ATP1A4: variants seen among roughly 807,000 people sequenced by gnomAD.
The protein encoded by ATP1A4 is ATPase Na+/K+ transporting subunit alpha 4, also known as sodium/potassium-transporting ATPase subunit alpha-4.
In ATP1A4, 90 loss-of-function variants were observed where a neutral mutation model predicts 114.3. The observed-to-expected ratio is 0.79, with a 90% confidence interval of 0.66 to 0.94. The LOEUF is 0.94. Ranked by LOEUF, ATP1A4 falls within the 40% of genes least tolerant of loss-of-function variation. The pLI is 0.00. For synonymous variants in ATP1A4, 511 were observed against 494.1 expected, an observed-to-expected ratio of 1.03 and a Z score of -0.45; for missense variants, 1,222 against 1,313.6, an observed-to-expected ratio of 0.93 and a Z score of 1.08.
intron 18 of ATP1A4, among the ~76,000 whole-genome samples, chr1:160,178,371 A>G (rs1193948207): frequency 6.7e-6 from 1 of 149,618 alleles, no homozygotes; most frequent in Non-Finnish European, 1.5e-5. Flanking sequence ...ATAAATAAAT[A>G]AATAAATATA....
At chr1:160,180,871 C>T (rs921536179) in intron 18 of ATP1A4, among the ~76,000 whole-genome samples, 2 of 151,988 alleles carry the variant, frequency 1.3e-5, no homozygotes, top group Admixed American at 6.6e-5. Flanking sequence ...CCCGCCACCA[C>T]GCCCGGCTAA....
At chr1:160,183,493 T>A (rs1341434222) in intron 20 of ATP1A4, 1 of 152,206 alleles carries the variant, frequency 6.6e-6, no homozygotes, top group Non-Finnish European at 1.5e-5. Flanking sequence ...TCCCCTGAGC[T>A]CCTTGAGAGC....
At position 160,181,727 on chromosome 1, in the gene ATP1A4, CCT is replaced by C; in HGVS notation, c.2781_2782del (p.Phe929CysfsTer79). On this transcript the variant is annotated frameshift_variant, in exon 19 of 22. Coordinates refer to ENST00000368081, the MANE Select transcript of ATP1A4 (RefSeq NM_144699.4). LOFTEE classifies it high-confidence loss of function. ...GTTGTGGAGTTCACATGCCAAACGGCCTTTTTTGTCACCATCGTGGTTGTGCA... is the reference window on the plus strand; with the variant it reads ...GTTGTGGAGTTCACATGCCAAACGGCTTTTTGTCACCATCGTGGTTGTGCA... The C allele has an allele frequency of 1.9e-6, 3 of 1,614,098 alleles. No homozygotes were observed. Among genetic ancestry groups the C allele is most frequent in the Non-Finnish European group, 2.5e-6 (3 of 1,180,024 alleles).
rs376608210 is a variant in ATP1A4 at position 160,156,470 on chromosome 1, C to T, written c.525+312C>T. On this transcript the variant is annotated intron_variant, in intron 4 of 21. Transcript: ENST00000368081. ...AGACAAGTGTTGGTGGGGGTGGGAGCGGGGTGCGGTGGGGGGTGGCTGGAT... is the reference window on the plus strand; with the variant it reads ...AGACAAGTGTTGGTGGGGGTGGGAGTGGGGTGCGGTGGGGGGTGGCTGGAT... Among the ~76,000 whole-genome samples the T allele has an allele frequency of 4.7e-5, 6 of 127,128 alleles. No homozygotes were observed. In the East Asian group the frequency reaches 8.0e-4, roughly 17 times the overall value. The allele number at this position is 127,128 out of a possible 152,430, so 83.4% of individuals were successfully genotyped here. A position where few individuals can be genotyped will look rare whatever the true frequency, so the allele number is the denominator to read the frequency against.
At chr1:160,178,358 A>AAAT (rs1653562785) in intron 18 of ATP1A4, among the ~76,000 whole-genome samples, 1 of 149,196 alleles carries the variant, frequency 6.7e-6, no homozygotes, top group African/African-American at 2.5e-5. Context: ...TCTGTCTCAA[A>AAAT]AAATAAATAA....
rs963295427 is a variant in ATP1A4 at position 160,151,942 on chromosome 1, G to A, written c.-99G>A. 9.5e-5 allele frequency: 131 copies of A among 1,381,798 alleles called. 1 individual carries two copies. The South Asian group carries it at 9.8e-4, about 10-fold the overall frequency. 85.6% of individuals were successfully genotyped at this position (1,381,798 alleles called of 1,614,324 possible). Reference sequence around the variant, plus strand: ...ATTCTCTCCCCACCACTCTCTTCTCGTGGCCCCCTTGCCCGCGCGCCCTCT... The same window carrying A: ...ATTCTCTCCCCACCACTCTCTTCTCATGGCCCCCTTGCCCGCGCGCCCTCT... On this transcript the variant is annotated 5_prime_UTR_variant, in exon 1 of 22. It adds an upstream start codon to the 5' untranslated region. Transcript: ENST00000368081.
rs536915261 is a variant in ATP1A4 at position 160,180,694 on chromosome 1, C to CTT, written c.2737-953_2737-952dup. Among the ~76,000 whole-genome samples the CTT allele has an allele frequency of 1.5e-3, 101 of 68,484 alleles. 8 individuals are homozygous for CTT. The highest frequency in any genetic ancestry group is 5.4e-3 in the African/African-American group (84 of 15,494). 44.9% of individuals were successfully genotyped at this position (68,484 alleles called of 152,430 possible). On this transcript the variant is annotated intron_variant, in intron 18 of 21. Coordinates refer to ENST00000368081, the MANE Select transcript of ATP1A4 (RefSeq NM_144699.4). ...ATATCCCCTGACTCTGCCTTCTTCC[C>CTT]TTTTTTTTTTTTTTTTTTTTTTTTT...
rs746192251 is a variant in ATP1A4 at position 160,166,552 on chromosome 1, C to A, written c.1072C>A (p.Arg358Ser). Residue 358 changes from arginine (R) to serine (S), a missense_variant, in exon 8 of 22, where the codon CGC (arginine) becomes AGC (serine). Coordinates refer to ENST00000368081, the MANE Select transcript of ATP1A4 (RefSeq NM_144699.4). ...GGTGTGCCTGACCCTCACAGCCAAG[C>A]GCATGGCGCGGAAGAACTGCCTGGT... is the stretch of plus-strand genomic sequence containing the variant. ...VTVCLTLTAK[R>S]MARKNCLVKN... The A allele has an allele frequency of 6.2e-7, 1 of 1,614,248 alleles. No homozygotes were observed.
intron 6 of ATP1A4, among the ~76,000 whole-genome samples, chr1:160,162,858 T>C (rs547140776): frequency 9.5e-4 from 145 of 152,230 alleles, no homozygotes; most frequent in Non-Finnish European, 1.6e-3. Flanking sequence ...ATAAGAACTA[T>C]ATAGGCAATA....
intron 10 of ATP1A4, among the ~76,000 whole-genome samples, chr1:160,168,804 G>C (rs1653135572): frequency 6.6e-6 from 1 of 152,240 alleles, no homozygotes; most frequent in Non-Finnish European, 1.5e-5. Flanking sequence ...TAATAAAATA[G>C]GTCTCTTAGG....
intron 18 of ATP1A4, among the ~76,000 whole-genome samples, chr1:160,180,540 A>G (rs1653645596): frequency 6.6e-6 from 1 of 152,078 alleles, no homozygotes; most frequent in East Asian, 1.9e-4. Flanking sequence ...AAGTTCCTTA[A>G]GTGTAAAGTG....
intron 4 of ATP1A4, among the ~76,000 whole-genome samples, chr1:160,158,763 G>A (rs757703434): frequency 6.6e-6 from 1 of 152,154 alleles, no homozygotes; most frequent in Non-Finnish European, 1.5e-5. Context: ...AGGTTTAGGG[G>A]TAGAGAGATA....
intron 9 of ATP1A4, 56 bp from the exon 10 acceptor site, chr1:160,167,222 C>A: frequency 6.4e-7 from 1 of 1,567,270 alleles, no homozygotes; most frequent in Non-Finnish European, 8.7e-7. Context: ...CACAGGTATG[C>A]CTCATGCCCA....
Position 160,186,618 on chromosome 1 carries a change from T to G in ATP1A4, c.3062-53T>G, listed in dbSNP as rs7535787. 782 of 1,590,670 alleles carry G rather than the reference T, an allele frequency of 4.9e-4. 4 individuals carry two copies. The African/African-American group carries it at 9.3e-3, about 19-fold the overall frequency. On this transcript the variant is annotated intron_variant, in intron 21 of 21. Transcript: ENST00000368081. ...TGCTTTCCCTTCTGCCTGTCTCCCC[T>G]GGATGCCTCTAATTCCTTCTCCCAG...
At chr1:160,175,428 A>G (rs996243948) in intron 15 of ATP1A4, among the ~76,000 whole-genome samples, 14 of 152,138 alleles carry the variant, frequency 9.2e-5, no homozygotes, top group African/African-American at 1.4e-4. Flanking sequence ...GTTCGTTTGA[A>G]CACTGACTAT....
At chr1:160,152,489 TG>T (rs1652493421) in intron 1 of ATP1A4, among the ~76,000 whole-genome samples, 1 of 152,134 alleles carries the variant, frequency 6.6e-6, no homozygotes, top group East Asian at 1.9e-4. Context: ...GAGTCTGGGC[TG>T]TATGGCCTGC....
At chr1:160,170,994 C>T in intron 10 of ATP1A4, 1 of 359,894 alleles carries the variant, frequency 2.8e-6, no homozygotes, top group Non-Finnish European at 5.0e-6. Flanking sequence ...AGTGAGAGTG[C>T]CTGGTTCTGC....
At chr1:160,181,635 G>A (rs1462420782) in intron 18 of ATP1A4, 49 bp from the exon 19 acceptor site, 10 of 1,608,040 alleles carry the variant, frequency 6.2e-6, no homozygotes, top group Non-Finnish European at 7.7e-6. Flanking sequence ...GCCTTAGGGT[G>A]TACAGAATCC....
At chr1:160,174,768 T>A in intron 15 of ATP1A4, 21 bp downstream of exon 15, 1 of 1,613,384 alleles carries the variant, frequency 6.2e-7, no homozygotes, top group Non-Finnish European at 8.5e-7. Flanking sequence ...AGGGTGCCCA[T>A]GGTGGAGACT....
Sources: gnomAD v4.1 joint callset for allele counts (sites outside exome capture counted in the v4.1 genomes callset) on GRCh38, gnomAD v4.1.1 for gene constraint, MANE v1.5 for transcripts, NCBI Gene and HGNC (gene_info 2026-07-23, HGNC 2026-07-21) for gene names.